NSUN3: variants seen among roughly 807,000 people sequenced by gnomAD.
NSUN3 encodes NOP2/Sun RNA methyltransferase 3.
A neutral mutation model predicts 36.8 loss-of-function variants in NSUN3; 24 were observed. That is an observed-to-expected ratio of 0.65 (90% confidence interval 0.47 to 0.92). NSUN3 has a LOEUF of 0.92. NSUN3 is among the 40% of genes least tolerant of loss of function. NSUN3 has a pLI of 0.00. For synonymous variants in NSUN3, 146 were observed against 145.2 expected (o/e 1.01, Z -0.04); for missense variants, 381 against 392.8 (o/e 0.97, Z 0.25).
chr3:94,089,079 C>A (rs1424738398), intron 3 of NSUN3, among the ~76,000 whole-genome samples: 1 of 152,208 alleles, frequency 6.6e-6, no homozygotes, highest in African/African-American at 2.4e-5. Flanking sequence ...GAATTTTAAT[C>A]TAATGTCAAC....
chr3:94,072,898 C>T (rs1027764468), intron 2 of NSUN3, among the ~76,000 whole-genome samples: 7 of 152,112 alleles, frequency 4.6e-5, no homozygotes, highest in Non-Finnish European at 8.8e-5. Flanking sequence ...TGGTTTGCTG[C>T]ACCCATCAAC....
At chr3:94,065,142 A>T (rs184825917) in intron 2 of NSUN3, among the ~76,000 whole-genome samples, 1 of 152,362 alleles carries the variant, frequency 6.6e-6, no homozygotes, top group East Asian at 1.9e-4. Flanking sequence ...CTTGACATTG[A>T]GTGCCTGATA....
Position 94,130,167 on chromosome 3 carries a change from T to C in NSUN3, c.*3677T>C, listed in dbSNP as rs1236187579. 6.6e-6 allele frequency among the ~76,000 whole-genome samples: 1 copy of C among 152,154 alleles called. No individual in the cohort carries two copies. Among genetic ancestry groups the C allele is most frequent in the African/African-American group, 2.4e-5 (1 of 41,436 alleles). ...TGTTTATAGTTTGCCAAGGCTACAC[T>C]GGTAAGTAAAGGGTTCAGCCAATGT... On this transcript the variant is annotated 3_prime_UTR_variant, in exon 6 of 6. Transcript: ENST00000314622.
At position 94,095,149 on chromosome 3, in the gene NSUN3, G is replaced by A; in HGVS notation, c.738G>A (p.Leu246=). Reference sequence around the variant, plus strand: ...ATTTGCCTCTTCTACAGATAGAGCTGTTAAGGTAAGGACTGTTAATACAAA... The same window carrying A: ...ATTTGCCTCTTCTACAGATAGAGCTATTAAGGTAAGGACTGTTAATACAAA... ...RRNLPLLQIE[L]LRSAIKALRP... Residue 246 remains leucine (L), a synonymous_variant, in exon 5 of 6, where the codon CTG becomes CTA. Transcript: ENST00000314622. 2 of 1,613,428 alleles carry A rather than the reference G, an allele frequency of 1.2e-6. No individual in the cohort carries two copies. Among genetic ancestry groups the A allele is most frequent in the Non-Finnish European group, 1.7e-6 (2 of 1,179,548 alleles).
chr3:94,093,736 C>T (rs1482834719), intron 3 of NSUN3, among the ~76,000 whole-genome samples: 1 of 152,234 alleles, frequency 6.6e-6, no homozygotes, highest in African/African-American at 2.4e-5. Flanking sequence ...CATCTTCTTG[C>T]ACCTGAATTA....
intron 2 of NSUN3, among the ~76,000 whole-genome samples, chr3:94,079,714 G>A (rs936389333): frequency 6.6e-6 from 1 of 151,568 alleles, no homozygotes; most frequent in Non-Finnish European, 1.5e-5. Context: ...CTGCTTGATC[G>A]ATTCAGCTAT....
At position 94,129,008 on chromosome 3, in the gene NSUN3, T is replaced by C. The variant is rs1355486073; in HGVS notation, c.*2518T>C. Among the ~76,000 whole-genome samples, 1 of 152,150 alleles carries C rather than the reference T, an allele frequency of 6.6e-6. No individual in the cohort carries two copies. Among genetic ancestry groups the C allele is most frequent in the Non-Finnish European group, 1.5e-5 (1 of 68,030 alleles). ...CAATAAAATAAAAAATAACAGACGC[T>C]GATGAGGCTGTGGAGAAAAGGAACT... On this transcript the variant is annotated 3_prime_UTR_variant, in exon 6 of 6. Coordinates refer to ENST00000314622, the MANE Select transcript of NSUN3 (RefSeq NM_022072.5).
intron 3 of NSUN3, among the ~76,000 whole-genome samples, chr3:94,086,060 C>T (rs1163168995): frequency 6.6e-6 from 1 of 151,820 alleles, no homozygotes; most frequent in East Asian, 2.0e-4. Context: ...TCTCCCGCCT[C>T]AGCCTCCCGA....
Position 94,084,163 on chromosome 3 carries a change from A to C in NSUN3, c.179A>C (p.Asn60Thr). 1 of 1,614,144 alleles carries C rather than the reference A, an allele frequency of 6.2e-7. No homozygotes were observed. The highest frequency in any genetic ancestry group is 8.5e-7 in the Non-Finnish European group (1 of 1,180,026). ...WQYAVLLNRF[N>T]YPFELEKDLH... Reference sequence around the variant, plus strand: ...TATGCTGTCCTGCTTAACCGATTCAATTATCCTTTTGAACTGGAAAAGGAT... The same window carrying C: ...TATGCTGTCCTGCTTAACCGATTCACTTATCCTTTTGAACTGGAAAAGGAT... The change falls in exon 3 of 6, where the codon AAT becomes ACT. Residue 60 changes from asparagine to threonine, a missense_variant. Coordinates refer to ENST00000314622, the MANE Select transcript of NSUN3 (RefSeq NM_022072.5).
At chr3:94,089,294 C>G (rs1271157292) in intron 3 of NSUN3, among the ~76,000 whole-genome samples, 3 of 152,182 alleles carry the variant, frequency 2.0e-5, no homozygotes. Flanking sequence ...TGTTATCACA[C>G]TGCCTCTCTA....
Position 94,126,451 on chromosome 3 carries a change from A to C in NSUN3, c.984A>C (p.Val328=). The C allele has an allele frequency of 6.2e-7, 1 of 1,611,558 alleles. No individual in the cohort carries two copies. Among genetic ancestry groups the C allele is most frequent in the Non-Finnish European group, 8.5e-7 (1 of 1,177,724 alleles). ...DKGKAWGPMY[V]AKLKKSWSTG... is the part of the protein sequence containing the mutation. ...GCAAAGCCTGGGGCCCAATGTATGT[A>C]GCCAAATTGAAGAAATCATGGAGCA... The change falls in exon 6 of 6, where the codon GTA becomes GTC. Residue 328 remains valine, a synonymous_variant. Transcript: ENST00000314622.
At chr3:94,121,058 C>T (rs577227552) in intron 5 of NSUN3, among the ~76,000 whole-genome samples, 2 of 152,198 alleles carry the variant, frequency 1.3e-5, no homozygotes, top group South Asian at 2.1e-4. Context: ...TAGTTGTTTC[C>T]TATTGCTGCT....
At chr3:94,118,306 C>G (rs939429715) in intron 5 of NSUN3, among the ~76,000 whole-genome samples, 13 of 152,014 alleles carry the variant, frequency 8.6e-5, no homozygotes, top group African/African-American at 3.1e-4. Flanking sequence ...ATGTAAAACC[C>G]AAGATAATGT....
intron 2 of NSUN3, among the ~76,000 whole-genome samples, chr3:94,082,770 C>T (rs1012278824): frequency 1.3e-5 from 2 of 152,108 alleles, no homozygotes; most frequent in African/African-American, 4.8e-5. Flanking sequence ...ACTCTTGGAC[C>T]GAATGCAAAT....
Position 94,064,118 on chromosome 3 carries a change from A to G in NSUN3, c.13-319A>G, listed in dbSNP as rs370387940. On this transcript the variant is annotated intron_variant, in intron 1 of 5. Transcript: ENST00000314622. ...CGCCTCTGCCTCCCACAGTGCTGGG[A>G]TTACAGGTGTGAGCCACCTGCCTAG... The G allele has an allele frequency of 7.0e-4, 180 of 256,972 alleles. 1 individual carries two copies. The highest frequency in any genetic ancestry group is 3.7e-3 in the African/African-American group (162 of 44,088). The allele number at this position is 256,972 out of a possible 1,614,324, so 15.9% of individuals were successfully genotyped here.
chr3:94,091,492 T>A (rs2077314930), intron 3 of NSUN3, among the ~76,000 whole-genome samples: 1 of 152,176 alleles, frequency 6.6e-6, no homozygotes, highest in African/African-American at 2.4e-5. Context: ...TAACCATCAT[T>A]GGCTATATAA....
chr3:94,081,099 A>G (rs986163361), intron 2 of NSUN3, among the ~76,000 whole-genome samples: 2 of 152,174 alleles, frequency 1.3e-5, no homozygotes, highest in Non-Finnish European at 2.9e-5. Context: ...AAAGCGTGGT[A>G]TCTGGGCTGG....
At chr3:94,124,051 ATATATT>A (rs1028621767) in intron 5 of NSUN3, among the ~76,000 whole-genome samples, 42 of 151,704 alleles carry the variant, frequency 2.8e-4, no homozygotes, top group African/African-American at 8.7e-4. Flanking sequence ...GTATGTGTGT[ATATATT>A]TATATTAGTT....
At chr3:94,092,450 C>T (rs374520170) in intron 3 of NSUN3, among the ~76,000 whole-genome samples, 3 of 152,120 alleles carry the variant, frequency 2.0e-5, no homozygotes, top group Admixed American at 1.3e-4. Context: ...CAAGCTAAGA[C>T]GAGGGCTTTT....
Sources: allele counts gnomAD v4.1 joint callset (sites outside exome capture counted in the v4.1 genomes callset), GRCh38; gene constraint gnomAD v4.1.1; transcripts MANE v1.5; gene names NCBI Gene and HGNC (gene_info 2026-07-23, HGNC 2026-07-21).